NPAS3: variants seen among roughly 807,000 people sequenced by gnomAD.
NPAS3 encodes neuronal PAS domain-containing protein 3.
Under a neutral mutation model 73.1 loss-of-function variants are expected in NPAS3, and 14 were observed. The ratio of observed to expected loss-of-function variants is 0.19; its 90% CI spans 0.13 to 0.30. NPAS3 has a LOEUF of 0.30. Among genes scored for constraint, NPAS3 ranks in the 10% least tolerant of loss-of-function variants. NPAS3 has a pLI of 1.00. For synonymous variants in NPAS3, 620 were observed against 541.5 expected (o/e 1.14, Z -2.01); for missense variants, 1,096 against 1,250.0 (o/e 0.88, Z 1.86).
intron 3 of NPAS3, among the ~76,000 whole-genome samples, chr14:33,306,606 A>G (rs2042764533): frequency 6.6e-6 from 1 of 152,204 alleles, no homozygotes; most frequent in Non-Finnish European, 1.5e-5. Context: ...TGAAAATGCA[A>G]TTTGGTGGAG....
chr14:33,434,856 G>A (rs371206992), intron 4 of NPAS3, among the ~76,000 whole-genome samples: 15 of 152,280 alleles, frequency 9.9e-5, no homozygotes, highest in African/African-American at 3.4e-4. Flanking sequence ...TTCAGTAGAT[G>A]ATGCACCAAG....
intron 1 of NPAS3, among the ~76,000 whole-genome samples, chr14:33,004,229 A>G (rs2038908985): frequency 1.3e-5 from 2 of 152,180 alleles, no homozygotes; most frequent in Non-Finnish European, 2.9e-5. Context: ...GAAATACATC[A>G]TTAGGCTCCT....
intron 6 of NPAS3, among the ~76,000 whole-genome samples, chr14:33,718,287 T>C (rs1236002353): frequency 6.6e-6 from 1 of 152,196 alleles, no homozygotes; most frequent in Non-Finnish European, 1.5e-5. Context: ...TGTCTTTATC[T>C]TGTCCGTCTT....
intron 1 of NPAS3, among the ~76,000 whole-genome samples, chr14:33,050,720 G>C (rs983063773): frequency 6.6e-6 from 1 of 152,176 alleles, no homozygotes; most frequent in Non-Finnish European, 1.5e-5. Flanking sequence ...AAAGATCACA[G>C]TGCAAAACAC....
At chr14:33,566,382 C>G (rs2055938202) in intron 5 of NPAS3, among the ~76,000 whole-genome samples, 1 of 152,114 alleles carries the variant, frequency 6.6e-6, no homozygotes, top group South Asian at 2.1e-4. Context: ...TTCCTCCCGG[C>G]AGGATCCTTG....
At chr14:33,743,765 A>G (rs1242848484) in intron 7 of NPAS3, among the ~76,000 whole-genome samples, 1 of 152,196 alleles carries the variant, frequency 6.6e-6, no homozygotes, top group Non-Finnish European at 1.5e-5. Context: ...TTCATCAATG[A>G]TCTTAGCTAG....
At chr14:33,665,949 A>G (rs1354647141) in intron 5 of NPAS3, among the ~76,000 whole-genome samples, 2 of 152,162 alleles carry the variant, frequency 1.3e-5, no homozygotes, top group Non-Finnish European at 2.9e-5. Context: ...CCAGAGCTTA[A>G]ATGTGTAGGA....
intron 7 of NPAS3, among the ~76,000 whole-genome samples, chr14:33,770,101 A>T (rs1887070): frequency 0.14 from 20,982 of 152,042 alleles, 1,494 homozygotes; most frequent in Middle Eastern, 0.17. Flanking sequence ...TATTGATGCC[A>T]GTGCCCCACC....
intron 4 of NPAS3, among the ~76,000 whole-genome samples, chr14:33,545,144 G>A (rs527998954): frequency 1.3e-5 from 2 of 151,830 alleles, no homozygotes; most frequent in African/African-American, 4.8e-5. Context: ...GAGTTGTAAA[G>A]GGAAATATTT....
intron 2 of NPAS3, among the ~76,000 whole-genome samples, chr14:33,183,363 T>C (rs1308528988): frequency 7.0e-6 from 1 of 142,944 alleles, no homozygotes; most frequent in East Asian, 2.1e-4. Context: ...GAGGCGGAGG[T>C]TGCAGTGAGC....
At chr14:33,793,726 G>C (rs759374034) in intron 9 of NPAS3, among the ~76,000 whole-genome samples, 171 bp from the exon 10 acceptor site, 17 of 152,084 alleles carry the variant, frequency 1.1e-4, no homozygotes, top group Non-Finnish European at 2.4e-4. Flanking sequence ...CCACTGAATT[G>C]ATTTCATTTG....
At chr14:33,404,877 G>C (rs773014186) in intron 4 of NPAS3, among the ~76,000 whole-genome samples, 1 of 152,024 alleles carries the variant, frequency 6.6e-6, no homozygotes, top group Non-Finnish European at 1.5e-5. Flanking sequence ...TTCCTCTCTG[G>C]GAGACAGGTA....
chr14:33,469,834 A>G (rs912625081), intron 4 of NPAS3, among the ~76,000 whole-genome samples: 7 of 152,114 alleles, frequency 4.6e-5, no homozygotes, highest in African/African-American at 1.7e-4. Context: ...TGCTGCATTA[A>G]AAAAAATTAC....
At chr14:33,182,601 A>G (rs1474338979) in intron 2 of NPAS3, among the ~76,000 whole-genome samples, 1 of 152,202 alleles carries the variant, frequency 6.6e-6, no homozygotes, top group Non-Finnish European at 1.5e-5. Context: ...TCTTGCCTTT[A>G]AATTTGACTC....
intron 1 of NPAS3, among the ~76,000 whole-genome samples, chr14:32,970,184 T>G (rs2037359374): frequency 6.6e-6 from 1 of 152,192 alleles, no homozygotes; most frequent in Admixed American, 6.5e-5. Context: ...TAATTTCGAT[T>G]CTTTTCTATC....
chr14:33,665,562 C>A (rs1475154233), intron 5 of NPAS3, among the ~76,000 whole-genome samples: 2 of 152,114 alleles, frequency 1.3e-5, no homozygotes. Flanking sequence ...GGAATTGAAA[C>A]CCCATTCTCT....
intron 1 of NPAS3, among the ~76,000 whole-genome samples, chr14:33,017,545 A>G (rs553563386): frequency 6.6e-6 from 1 of 152,170 alleles, no homozygotes; most frequent in African/African-American, 2.4e-5. Context: ...CTGCTTTAAT[A>G]TGGTTCTGTT....
At chr14:33,054,548 G>A (rs1044242178) in intron 1 of NPAS3, among the ~76,000 whole-genome samples, 2 of 147,816 alleles carry the variant, frequency 1.4e-5, no homozygotes, top group African/African-American at 5.0e-5. Flanking sequence ...TAATATGTTG[G>A]GCTTTATGAA....
At chr14:33,495,851 T>C (rs2052156187) in intron 4 of NPAS3, among the ~76,000 whole-genome samples, 1 of 151,918 alleles carries the variant, frequency 6.6e-6, no homozygotes, top group Non-Finnish European at 1.5e-5. Context: ...CGTCACTTTA[T>C]TTTGAGCCTA....
Sources: gnomAD v4.1 joint callset for allele counts (sites outside exome capture counted in the v4.1 genomes callset) on GRCh38, gnomAD v4.1.1 for gene constraint, MANE v1.5 for transcripts, NCBI Gene and HGNC (gene_info 2026-07-23, HGNC 2026-07-21) for gene names.